CAPRIN1: variants seen among roughly 807,000 people sequenced by gnomAD.
CAPRIN1 encodes the protein cell cycle associated protein 1, also known as caprin-1.
Under a neutral mutation model 100.9 loss-of-function variants are expected in CAPRIN1, and 29 were observed. That is an observed-to-expected ratio of 0.29 (90% CI 0.21 to 0.39). CAPRIN1 has a LOEUF of 0.39. CAPRIN1 is among the 10% of genes least tolerant of loss of function. CAPRIN1 has a pLI of 1.00. For missense variants in CAPRIN1, 795 were observed against 876.7 expected (o/e 0.91, Z 1.18); for synonymous variants, 338 against 307.5 (o/e 1.10, Z -1.04).
At chr11:34,087,315 C>T (rs1027281503) in intron 11 of CAPRIN1, among the ~76,000 whole-genome samples, 1 of 146,088 alleles carries the variant, frequency 6.8e-6, no homozygotes, top group Non-Finnish European at 1.5e-5. Context: ...GTAAAGGGAG[C>T]TCATATCTCT....
chr11:34,075,094 C>G (rs886708644), intron 4 of CAPRIN1, among the ~76,000 whole-genome samples: 2 of 151,790 alleles, frequency 1.3e-5, no homozygotes, highest in African/African-American at 2.4e-5. Flanking sequence ...TTCACCCAGG[C>G]TGGAGTGCAG....
intron 12 of CAPRIN1, 52 bp from the exon 13 acceptor site, chr11:34,090,127 A>G (rs1213627153): frequency 3.4e-6 from 4 of 1,168,822 alleles, no homozygotes; most frequent in African/African-American, 3.1e-5. Context: ...TGTTTTTTTA[A>G]CAGTCAATTT....
At chr11:34,057,785 C>G (rs1850483312) in intron 2 of CAPRIN1, among the ~76,000 whole-genome samples, 1 of 152,036 alleles carries the variant, frequency 6.6e-6, no homozygotes, top group Admixed American at 6.6e-5. Flanking sequence ...ATGGCATGAC[C>G]TCGGCTCACT....
At chr11:34,079,401 AAAAC>A (rs1170485572) in intron 6 of CAPRIN1, among the ~76,000 whole-genome samples, 17 of 152,334 alleles carry the variant, frequency 1.1e-4, no homozygotes, top group Middle Eastern at 3.4e-3. Context: ...CTGTATCTCA[AAAAC>A]AAACAAACAA....
chr11:34,086,266 A>T, intron 10 of CAPRIN1, 39 bp from the exon 11 acceptor site: 1 of 1,609,130 alleles, frequency 6.2e-7, no homozygotes. Flanking sequence ...TTAAGTGTTT[A>T]TATTATTTGA....
intron 2 of CAPRIN1, among the ~76,000 whole-genome samples, chr11:34,066,368 C>T (rs1008298587): frequency 6.6e-6 from 1 of 152,174 alleles, no homozygotes; most frequent in Non-Finnish European, 1.5e-5. Flanking sequence ...GATTCTCACT[C>T]TGTCACCCAG....
chr11:34,093,520 AT>A (rs1393276745), intron 15 of CAPRIN1, among the ~76,000 whole-genome samples: 1 of 152,076 alleles, frequency 6.6e-6, no homozygotes, highest in African/African-American at 2.4e-5. Context: ...AAGTTGTAAA[AT>A]TTTCTAATTA....
At chr11:34,088,497 A>C (rs1851194326) in intron 11 of CAPRIN1, among the ~76,000 whole-genome samples, 1 of 151,882 alleles carries the variant, frequency 6.6e-6, no homozygotes, top group South Asian at 2.1e-4. Flanking sequence ...CCTCTACAAA[A>C]AAATTAAAAA....
Position 34,052,388 on chromosome 11 carries a change from C to G in CAPRIN1, c.1-33C>G, listed in dbSNP as rs758108959. ...TGACTGGCCGCTCTTGTCCTTCCTC[C>G]CGCTTTTTCTTCTCTCTCCTTGCGG... is the stretch of plus-strand genomic sequence containing the variant. On this transcript the variant is annotated intron_variant, in intron 1 of 18. Coordinates refer to ENST00000341394, the MANE Select transcript of CAPRIN1 (RefSeq NM_005898.5). 3 of 1,575,280 alleles carry G rather than the reference C, an allele frequency of 1.9e-6. No individual in the cohort carries two copies. The African/African-American group carries it at 4.1e-5, about 21-fold the overall frequency.
At chr11:34,091,711 GT>G in intron 14 of CAPRIN1, 194 bp from the exon 15 acceptor site, 3 of 512,302 alleles carry the variant, frequency 5.9e-6, no homozygotes, top group Non-Finnish European at 1.0e-5. Flanking sequence ...TCCCCTTTAA[GT>G]ACTATATGGT....
chr11:34,079,268 T>G (rs1850964262), intron 6 of CAPRIN1, among the ~76,000 whole-genome samples: 1 of 152,114 alleles, frequency 6.6e-6, no homozygotes, highest in African/African-American at 2.4e-5. Flanking sequence ...GACGTGGTGG[T>G]ACACGCCTGT....
intron 2 of CAPRIN1, among the ~76,000 whole-genome samples, chr11:34,063,961 T>A (rs947175113): frequency 1.3e-5 from 2 of 151,982 alleles, no homozygotes; most frequent in Non-Finnish European, 2.9e-5. Context: ...AGAGACGGGG[T>A]TTCTCCATGT....
chr11:34,077,688 G>A (rs1850934161), intron 6 of CAPRIN1, among the ~76,000 whole-genome samples: 1 of 152,162 alleles, frequency 6.6e-6, no homozygotes, highest in South Asian at 2.1e-4. Context: ...GCTATTGGTT[G>A]AAAAGAAATC....
chr11:34,075,114 C>T (rs1214683512), intron 4 of CAPRIN1, among the ~76,000 whole-genome samples: 1 of 151,856 alleles, frequency 6.6e-6, no homozygotes. Context: ...GTAGCATGAT[C>T]TCAGCTCACT....
chr11:34,057,436 T>TA (rs924515174), intron 2 of CAPRIN1, among the ~76,000 whole-genome samples: 2 of 152,190 alleles, frequency 1.3e-5, no homozygotes, highest in African/African-American at 4.8e-5. Context: ...GTGGCCAAAT[T>TA]AGTGTACTCT....
chr11:34,077,085 A>G (rs1477107355), intron 6 of CAPRIN1, among the ~76,000 whole-genome samples: 2 of 152,218 alleles, frequency 1.3e-5, no homozygotes, highest in African/African-American at 4.8e-5. Flanking sequence ...AGAAATGTAT[A>G]CATAGCATTC....
At chr11:34,075,703 T>C (rs10047409) in intron 4 of CAPRIN1, among the ~76,000 whole-genome samples, 151,589 of 152,348 alleles carry the variant, frequency 1, 75,422 homozygotes, top group Middle Eastern at 1. Context: ...GGAGCTAGAT[T>C]GAGGTAAGAT....
rs375926817 is a variant in CAPRIN1, at chr11:34,058,873, TAAG to T, written c.216+6241_216+6243del. ...AAAAAGCATTACCAGTAGAGAGAAA[TAAG>T]AAGTGTGACAACCTTTTCATCCAAA... On this transcript the variant is annotated intron_variant, in intron 2 of 18. Transcript: ENST00000341394. 5.1e-4 allele frequency among the ~76,000 whole-genome samples: 77 copies of T among 152,292 alleles called. No individual in the cohort carries two copies. In the East Asian group the frequency reaches 0.01, roughly 20 times the overall value.
At chr11:34,087,227 T>C (rs1237428106) in intron 11 of CAPRIN1, among the ~76,000 whole-genome samples, 1 of 152,106 alleles carries the variant, frequency 6.6e-6, no homozygotes, top group Non-Finnish European at 1.5e-5. Flanking sequence ...TGATGTTAAA[T>C]ATCATAAAAT....
Sources: allele counts gnomAD v4.1 joint callset (sites outside exome capture counted in the v4.1 genomes callset), GRCh38; gene constraint gnomAD v4.1.1; transcripts MANE v1.5; gene names NCBI Gene and HGNC (gene_info 2026-07-23, HGNC 2026-07-21).